LARP4: variants seen among roughly 807,000 people sequenced by gnomAD.
The protein encoded by LARP4 is La ribonucleoprotein 4.
A neutral mutation model predicts 92.9 loss-of-function variants in LARP4; 29 were observed. That is an observed-to-expected ratio of 0.31 (90% CI 0.23 to 0.43). The LOEUF (loss-of-function observed/expected upper bound fraction) is 0.43. LARP4 is among the 20% of genes least tolerant of loss of function. LARP4 has a pLI of 1.00. For synonymous variants in LARP4, 279 were observed against 284.1 expected, an observed-to-expected ratio of 0.98 and a Z score of 0.18; for missense variants, 732 against 860.0, an observed-to-expected ratio of 0.85 and a Z score of 1.86.
chr12:50,448,280 G>T (rs1952560813), intron 8 of LARP4, among the ~76,000 whole-genome samples: 1 of 152,054 alleles, frequency 6.6e-6, no homozygotes, highest in Non-Finnish European at 1.5e-5. Flanking sequence ...TAAGTGTACA[G>T]TTTAGTGCTA....
chr12:50,476,006 G>A lies in LARP4; in HGVS notation c.*142G>A. 1 of 666,608 alleles carries A rather than the reference G, an allele frequency of 1.5e-6. No individual in the cohort carries two copies. The highest frequency in any genetic ancestry group is 2.6e-5 in the South Asian group (1 of 38,456). The allele number at this position is 666,608 out of a possible 1,614,324, so 41.3% of individuals were successfully genotyped here. A position where few individuals can be genotyped will look rare whatever the true frequency, so the allele number is the denominator to read the frequency against. On this transcript the variant is annotated 3_prime_UTR_variant, in exon 16 of 16. Transcript: ENST00000398473. ...CCATTTCATTATGGATTTTGGAGTT[G>A]TGAGTGATAGGATCCCAAAATTCAT... is the stretch of plus-strand genomic sequence containing the variant.
intron 1 of LARP4, among the ~76,000 whole-genome samples, chr12:50,419,651 A>G (rs887273521): frequency 9.2e-5 from 14 of 152,298 alleles, no homozygotes; most frequent in African/African-American, 3.1e-4. Flanking sequence ...TCATGCCTAT[A>G]ATCCCAGCAC....
intron 13 of LARP4, among the ~76,000 whole-genome samples, chr12:50,469,201 G>C (rs1197512993): frequency 6.6e-6 from 1 of 151,856 alleles, no homozygotes; most frequent in African/African-American, 2.4e-5. Flanking sequence ...CCACTGTCTT[G>C]TTTCTTTAAA....
rs1957502203 is a variant in LARP4 at position 50,475,928 on chromosome 12, G to T, written c.*64G>T. 7 of 1,410,704 alleles carry T rather than the reference G, an allele frequency of 5.0e-6. No individual in the cohort carries two copies. Among genetic ancestry groups the T allele is most frequent in the Non-Finnish European group, 6.9e-6 (7 of 1,020,808 alleles). The allele number at this position is 1,410,704 out of a possible 1,614,324, so 87.4% of individuals were successfully genotyped here. A position where few individuals can be genotyped will look rare whatever the true frequency, so the allele number is the denominator to read the frequency against. ...ATTAAACTTGAACTGTGGCTATATT[G>T]AACTGTTTTGGAGGGGAGGGGGTAG... On this transcript the variant is annotated 3_prime_UTR_variant, in exon 16 of 16. Coordinates refer to ENST00000398473, the MANE Select transcript of LARP4 (RefSeq NM_052879.5).
intron 10 of LARP4, among the ~76,000 whole-genome samples, chr12:50,458,377 G>A (rs551468928): frequency 2.0e-5 from 3 of 152,078 alleles, no homozygotes; most frequent in South Asian, 2.1e-4. Context: ...TGATGCACCC[G>A]CCTTGGCCTC....
chr12:50,443,862 C>T (rs1244914873), intron 8 of LARP4, among the ~76,000 whole-genome samples: 1 of 152,196 alleles, frequency 6.6e-6, no homozygotes, highest in African/African-American at 2.4e-5. Flanking sequence ...ATCCACCCAC[C>T]TCGGCCTCCC....
intron 8 of LARP4, 75 bp downstream of exon 8, chr12:50,441,718 A>G (rs1323178124): frequency 1.0e-5 from 12 of 1,148,260 alleles, no homozygotes; most frequent in Non-Finnish European, 1.3e-5. Context: ...ATACAGACAG[A>G]TAATATTTTA....
At chr12:50,411,344 T>C (rs758691220) in intron 1 of LARP4, among the ~76,000 whole-genome samples, 17 of 152,050 alleles carry the variant, frequency 1.1e-4, no homozygotes, top group Non-Finnish European at 2.2e-4. Context: ...TTTTTGTATT[T>C]TTAAAAATTT....
At position 50,462,733 on chromosome 12, in the gene LARP4, A is replaced by T; in HGVS notation, c.1383+103A>T. The T allele has an allele frequency of 6.2e-6, 5 of 802,016 alleles. No homozygotes were observed. The South Asian group carries it at 8.5e-5, about 14-fold the overall frequency. The allele number at this position is 802,016 out of a possible 1,614,324, so 49.7% of individuals were successfully genotyped here. ...TCTGGGTTTTTGTTTTATTGATTGT[A>T]GTCTTCAGCAAAGGTAAATAGAGCC... On this transcript the variant is annotated intron_variant, in intron 12 of 15. Transcript: ENST00000398473.
chr12:50,441,906 C>T (rs1007230868), intron 8 of LARP4, among the ~76,000 whole-genome samples: 15 of 152,166 alleles, frequency 9.9e-5, no homozygotes, highest in African/African-American at 3.6e-4. Flanking sequence ...AAAAATTAGC[C>T]GGGTGTTGTG....
At chr12:50,458,524 G>A (rs1168747082) in intron 10 of LARP4, among the ~76,000 whole-genome samples, 1 of 152,148 alleles carries the variant, frequency 6.6e-6, no homozygotes. Flanking sequence ...AATTGGTGGG[G>A]TTATAATTAT....
chr12:50,435,768 T>A lies in LARP4; in HGVS notation c.535+144T>A, dbSNP rs116408293. 4.6e-3 allele frequency: 2,905 copies of A among 631,522 alleles called. 66 individuals are homozygous for A. Among genetic ancestry groups the A allele is most frequent in the African/African-American group, 0.041 (2,194 of 53,184 alleles). 39.1% of individuals were successfully genotyped at this position (631,522 alleles called of 1,614,324 possible). Reference sequence around the variant, plus strand: ...TTTGTTCCGAATTCTCTCTCTTTGTTTTTTTTTTTCGGGGGTTGTGGTGAA... The same window carrying A: ...TTTGTTCCGAATTCTCTCTCTTTGTATTTTTTTTTCGGGGGTTGTGGTGAA... On this transcript the variant is annotated intron_variant, in intron 5 of 15. Coordinates refer to ENST00000398473, the MANE Select transcript of LARP4 (RefSeq NM_052879.5).
In LARP4 at chr12:50,468,492, T is replaced by A. The variant is rs1593437121; in HGVS notation, c.1545+1372T>A. On this transcript the variant is annotated intron_variant, in intron 13 of 15. Transcript: ENST00000398473. ...TTTTGTATTTTTAGTAGAGGCAGGG[T>A]TTCACCGTGTTAGCCAGGATGGTCT... 2.0e-5 allele frequency among the ~76,000 whole-genome samples: 3 copies of A among 150,734 alleles called. No homozygotes were observed. The South Asian group carries it at 6.3e-4, about 32-fold the overall frequency.
At chr12:50,416,510 C>G (rs1168836621) in intron 1 of LARP4, 1 of 151,180 alleles carries the variant, frequency 6.6e-6, no homozygotes, top group Non-Finnish European at 1.5e-5. Context: ...TACTTAAAAA[C>G]AAAAACAAAA....
chr12:50,465,175 C>A (rs1955981832), intron 12 of LARP4, among the ~76,000 whole-genome samples: 1 of 151,832 alleles, frequency 6.6e-6, no homozygotes, highest in Admixed American at 6.6e-5. Flanking sequence ...ATTTCAAGAC[C>A]ATCCTGGCCA....
At chr12:50,451,563 G>A (rs900992425) in intron 8 of LARP4, among the ~76,000 whole-genome samples, 1 of 152,140 alleles carries the variant, frequency 6.6e-6, no homozygotes, top group Non-Finnish European at 1.5e-5. Flanking sequence ...GGCCAGGCGC[G>A]GTGGCTCATG....
In LARP4 at chr12:50,476,546, ACT is replaced by A. The variant is rs1384496806; in HGVS notation, c.*685_*686del. 1.3e-5 allele frequency: 2 copies of A among 152,564 alleles called. No individual in the cohort carries two copies. Among genetic ancestry groups the A allele is most frequent in the African/African-American group, 2.4e-5 (1 of 41,498 alleles). 9.5% of individuals were successfully genotyped at this position (152,564 alleles called of 1,614,324 possible). A position where few individuals can be genotyped will look rare whatever the true frequency, so the allele number is the denominator to read the frequency against. On this transcript the variant is annotated 3_prime_UTR_variant, in exon 16 of 16. Transcript: ENST00000398473. The stretch of plus-strand genomic sequence containing the variant: ...AATATTTCATTTAACAAGTTGTAAA[ACT>A]CTGATTGTACTTAGAGATGTGACTA...
chr12:50,448,655 G>T (rs765361450), intron 8 of LARP4, among the ~76,000 whole-genome samples: 2 of 152,032 alleles, frequency 1.3e-5, no homozygotes, highest in African/African-American at 2.4e-5. Flanking sequence ...CTCCTGAGTA[G>T]CTGGGATTAC....
intron 1 of LARP4, among the ~76,000 whole-genome samples, chr12:50,402,312 T>C (rs1476621093): frequency 6.6e-6 from 1 of 152,190 alleles, no homozygotes; most frequent in Non-Finnish European, 1.5e-5. Flanking sequence ...TAAACATTCA[T>C]TGGAACATTC....
Sources: gnomAD v4.1 joint callset for allele counts (sites outside exome capture counted in the v4.1 genomes callset) on GRCh38, gnomAD v4.1.1 for gene constraint, MANE v1.5 for transcripts, NCBI Gene and HGNC (gene_info 2026-07-23, HGNC 2026-07-21) for gene names.